The following RPS6KA2 variants were observed in gnomAD, a reference collection of about 807,000 sequenced individuals.
The protein encoded by RPS6KA2 is ribosomal protein S6 kinase A2.
RPS6KA2 carries 42 observed loss-of-function variants against 91.8 expected under a neutral mutation model. The observed-to-expected ratio is 0.46, with a 90% CI of 0.36 to 0.59. RPS6KA2 has a LOEUF of 0.59. Among genes scored for constraint, RPS6KA2 ranks in the 20% least tolerant of loss-of-function variants. RPS6KA2 has a pLI of 0.00. For synonymous variants in RPS6KA2, 414 were observed against 393.6 expected, an observed-to-expected ratio of 1.05 and a Z score of -0.61; for missense variants, 798 against 978.5, an observed-to-expected ratio of 0.82 and a Z score of 2.46.
At chr6:166,804,742 T>C (rs979125874) in intron 2 of RPS6KA2, among the ~76,000 whole-genome samples, 3 of 152,180 alleles carry the variant, frequency 2.0e-5, no homozygotes, top group African/African-American at 4.8e-5. Flanking sequence ...TCACATTCTC[T>C]GGCATCTCAC....
intron 1 of RPS6KA2, among the ~76,000 whole-genome samples, chr6:166,572,160 C>T (rs1318323936): frequency 1.3e-5 from 2 of 152,076 alleles, no homozygotes; most frequent in Non-Finnish European, 2.9e-5. Context: ...CAAGAAAGAA[C>T]CAAAATGTCC....
rs1241358440 is a variant in RPS6KA2 at position 166,411,084 on chromosome 6, A to G, written c.*1678T>C. 4.0e-5 allele frequency: 5 copies of G among 124,964 alleles called. No homozygotes were observed. Among genetic ancestry groups the G allele is most frequent in the Non-Finnish European group, 8.2e-5 (5 of 61,018 alleles). The allele number at this position is 124,964 out of a possible 1,614,324, so 7.7% of individuals were successfully genotyped here. On this transcript the variant is annotated 3_prime_UTR_variant, in exon 21 of 21. Transcript: ENST00000265678. The surrounding 1 kb of genome is among the most constrained non-coding windows in gnomAD (Gnocchi z 4.5). Reference sequence around the variant, plus strand: ...GTATTCAGTCCGACTTGCTCCTTTTATGTTTTGTGGTTCTCTAAGAAAAAA... The same window carrying G: ...GTATTCAGTCCGACTTGCTCCTTTTGTGTTTTGTGGTTCTCTAAGAAAAAA...
chr6:166,747,589 C>T (rs904208645), intron 2 of RPS6KA2, among the ~76,000 whole-genome samples: 3 of 152,214 alleles, frequency 2.0e-5, no homozygotes, highest in African/African-American at 7.2e-5. Flanking sequence ...GCTTCCTTCC[C>T]CCTTTCCACC....
rs996633596 is a variant in RPS6KA2 at position 166,500,847 on chromosome 6, G to C, written c.604+40C>G. On this transcript the variant is annotated intron_variant, in intron 7 of 20. Coordinates refer to ENST00000265678, the MANE Select transcript of RPS6KA2 (RefSeq NM_021135.6). This position sits in a 1 kb window ranked among gnomAD's most constrained non-coding sequence, Gnocchi z 4.3. Reference sequence around the variant, plus strand: ...GGTGGTCCCCAAAGGTACCAGGGCTGAGATGAAGCCATGGAGGGGGCCTGC... The same window carrying C: ...GGTGGTCCCCAAAGGTACCAGGGCTCAGATGAAGCCATGGAGGGGGCCTGC... 1.9e-6 allele frequency: 3 copies of C among 1,586,854 alleles called. No homozygotes were observed. The highest frequency in any genetic ancestry group is 2.6e-6 in the Non-Finnish European group (3 of 1,155,154).
chr6:166,524,270 A>G (rs999408183), intron 3 of RPS6KA2, among the ~76,000 whole-genome samples: 3 of 152,204 alleles, frequency 2.0e-5, no homozygotes, highest in Non-Finnish European at 4.4e-5. Flanking sequence ...TTGCAGGGAA[A>G]ATGCTTGAAA....
chr6:166,514,161 TG>T (rs1782561684), intron 3 of RPS6KA2, among the ~76,000 whole-genome samples: 1 of 152,196 alleles, frequency 6.6e-6, no homozygotes, highest in Non-Finnish European at 1.5e-5. Context: ...TCACAATTCT[TG>T]CCGCTTGGCC....
intron 2 of RPS6KA2, among the ~76,000 whole-genome samples, chr6:166,655,812 C>T (rs1562366892): frequency 6.6e-6 from 1 of 152,204 alleles, no homozygotes; most frequent in African/African-American, 2.4e-5. Flanking sequence ...ACAACAATCT[C>T]ATCAGGTTGA....
rs77505676 is a variant in RPS6KA2 at position 166,626,572 on chromosome 6, C to A, written c.99+349G>T. ...TTTGAGGGACCCCCGCGGAGCGCTC[C>A]GCGCCACTCGGCGGTCTAGCTGCAG... On this transcript the variant is annotated intron_variant, in intron 1 of 20. Coordinates refer to ENST00000265678, the MANE Select transcript of RPS6KA2 (RefSeq NM_021135.6). The surrounding 1 kb of genome is among the most constrained non-coding windows in gnomAD (Gnocchi z 4.1). Among the ~76,000 whole-genome samples, 47 of 152,284 alleles carry A rather than the reference C, an allele frequency of 3.1e-4. No individual in the cohort carries two copies. The East Asian group carries it at 6.2e-3, about 20-fold the overall frequency.
chr6:166,823,407 A>C (rs1039016380), intron 2 of RPS6KA2, among the ~76,000 whole-genome samples: 1 of 149,392 alleles, frequency 6.7e-6, no homozygotes, highest in African/African-American at 2.5e-5. Flanking sequence ...ATTATTATTA[A>C]ATTGTTATGC....
intron 1 of RPS6KA2, among the ~76,000 whole-genome samples, chr6:166,619,369 A>G (rs1486644032): frequency 6.6e-6 from 1 of 152,258 alleles, no homozygotes; most frequent in Non-Finnish European, 1.5e-5. Flanking sequence ...TGCTCTTTTG[A>G]AAGTTGTTTT....
chr6:166,483,168 G>A (rs909062288), intron 10 of RPS6KA2, among the ~76,000 whole-genome samples: 6 of 152,252 alleles, frequency 3.9e-5, no homozygotes, highest in Non-Finnish European at 2.9e-5. Flanking sequence ...ACGTCTATGT[G>A]TGTGGGGAGA....
intron 1 of RPS6KA2, among the ~76,000 whole-genome samples, chr6:166,551,480 C>T (rs1462208749): frequency 6.6e-6 from 1 of 152,100 alleles, no homozygotes; most frequent in African/African-American, 2.4e-5. Context: ...AATGGAAGCC[C>T]TACGAAAAAC....
At chr6:166,478,256 A>G (rs939503694) in intron 10 of RPS6KA2, among the ~76,000 whole-genome samples, 1 of 152,232 alleles carries the variant, frequency 6.6e-6, no homozygotes, top group African/African-American at 2.4e-5. Flanking sequence ...TTATGTTATA[A>G]TAAGTGTCCA....
At chr6:166,716,980 G>A (rs145496445) in intron 2 of RPS6KA2, among the ~76,000 whole-genome samples, 5 of 152,384 alleles carry the variant, frequency 3.3e-5, no homozygotes, top group African/African-American at 9.6e-5. Context: ...AGAGAACAAG[G>A]ACCTTGCTCA....
intron 2 of RPS6KA2, among the ~76,000 whole-genome samples, chr6:166,723,764 G>A (rs1289813606): frequency 1.3e-5 from 2 of 148,756 alleles, no homozygotes; most frequent in South Asian, 4.2e-4. Context: ...GCAATGGCGC[G>A]ATCTTGGCTC....
intron 10 of RPS6KA2, among the ~76,000 whole-genome samples, chr6:166,488,384 A>G (rs1292200393): frequency 6.6e-6 from 1 of 152,242 alleles, no homozygotes; most frequent in African/African-American, 2.4e-5. Context: ...CCCACGGAGT[A>G]ATCCTCAATA....
intron 2 of RPS6KA2, among the ~76,000 whole-genome samples, chr6:166,645,636 C>T (rs1409300206): frequency 6.6e-6 from 1 of 152,236 alleles, no homozygotes; most frequent in South Asian, 2.1e-4. Context: ...TGTGCCCCCC[C>T]TTCTCTGGAT....
Position 166,797,787 on chromosome 6 carries a change from GA to G in RPS6KA2, c.123+60412del, listed in dbSNP as rs529824324. Among the ~76,000 whole-genome samples, 425 of 152,166 alleles carry G rather than the reference GA, an allele frequency of 2.8e-3. 1 individual carries two copies. The highest frequency in any genetic ancestry group is 1.0e-2 in the African/African-American group (413 of 41,502). On this transcript the variant is annotated intron_variant, in intron 2 of 21. Coordinates refer to the RPS6KA2 transcript ENST00000503859. ...GTTCAATGGCAATTAGTTTTTATTA[GA>G]AAAAATATATCAATGTGGAGAAGCC... is the stretch of plus-strand genomic sequence containing the variant.
At position 166,590,305 on chromosome 6, in the gene RPS6KA2, C is replaced by T. The variant is rs541512496; in HGVS notation, c.99+36616G>A. ...CTTTGAGGAGCAAGAACCTACTAAA[C>T]GCTGATAAGAATCAGTCATTAGGGT... On this transcript the variant is annotated intron_variant, in intron 1 of 20. Coordinates refer to ENST00000265678, the MANE Select transcript of RPS6KA2 (RefSeq NM_021135.6). Among the ~76,000 whole-genome samples the T allele has an allele frequency of 3.3e-5, 5 of 152,272 alleles. No individual in the cohort carries two copies. The East Asian group carries it at 5.8e-4, about 18-fold the overall frequency.
Sources: gnomAD v4.1 joint callset for allele counts (sites outside exome capture counted in the v4.1 genomes callset) on GRCh38, gnomAD v4.1.1 for gene constraint, Gnocchi (gnomAD v3.1) non-coding constraint, MANE v1.5 for transcripts, NCBI Gene and HGNC (gene_info 2026-07-23, HGNC 2026-07-21) for gene names.